Variants in USP13 observed in about 807,000 individuals in gnomAD.
The protein encoded by USP13 is ubiquitin carboxyl-terminal hydrolase 13.
USP13 carries 68 observed loss-of-function variants against 107.8 expected under a neutral mutation model. That is an observed-to-expected ratio of 0.63 (90% CI 0.52 to 0.77). The LOEUF is 0.77. Among genes scored for constraint, USP13 ranks in the 30% least tolerant of loss-of-function variants. The pLI, the probability that USP13 is intolerant of heterozygous loss-of-function variation, is 0.00. For missense variants in USP13, 945 were observed against 1,093.3 expected (o/e 0.86, Z 1.91); for synonymous variants, 377 against 389.5 (o/e 0.97, Z 0.38).
intron 10 of USP13, among the ~76,000 whole-genome samples, chr3:179,731,447 C>T (rs1446683226): frequency 1.3e-5 from 2 of 152,064 alleles, no homozygotes; most frequent in South Asian, 2.1e-4. Context: ...TTCCTTAGTC[C>T]CTCCGTAGGA....
chr3:179,714,805 G>A (rs1713049209), intron 6 of USP13, among the ~76,000 whole-genome samples: 1 of 150,818 alleles, frequency 6.6e-6, no homozygotes, highest in Admixed American at 6.6e-5. Context: ...ACTCTTACCT[G>A]TTTTCCTTTC....
intron 1 of USP13, among the ~76,000 whole-genome samples, chr3:179,670,927 C>A (rs1379004853): frequency 1.3e-5 from 2 of 151,998 alleles, no homozygotes; most frequent in African/African-American, 4.8e-5. Context: ...GAACTCCTGA[C>A]CTCAGGTGAT....
At chr3:179,737,907 T>C (rs1325915872) in intron 10 of USP13, among the ~76,000 whole-genome samples, 1 of 152,254 alleles carries the variant, frequency 6.6e-6, no homozygotes, top group Admixed American at 6.5e-5. Flanking sequence ...GACCAGATTA[T>C]GTTTTCAGCA....
At chr3:179,684,312 C>CA (rs1711787068) in intron 2 of USP13, among the ~76,000 whole-genome samples, 1 of 141,672 alleles carries the variant, frequency 7.1e-6, no homozygotes, top group Non-Finnish European at 1.5e-5. Context: ...CACACACACA[C>CA]ATTTTGTTTG....
At chr3:179,686,188 A>G (rs1348172595) in intron 2 of USP13, among the ~76,000 whole-genome samples, 2 of 152,108 alleles carry the variant, frequency 1.3e-5, no homozygotes, top group African/African-American at 4.8e-5. Flanking sequence ...AGCCTTTTCT[A>G]TACATTCCTT....
chr3:179,654,213 C>CAAAAAA (rs61231956), intron 1 of USP13, among the ~76,000 whole-genome samples: 4 of 105,466 alleles, frequency 3.8e-5, no homozygotes, highest in East Asian at 2.7e-4. Flanking sequence ...GACTCCGTCT[C>CAAAAAA]AAAAAAAAAA....
intron 15 of USP13, 49 bp from the exon 16 acceptor site, chr3:179,757,003 T>A (rs1714829800): frequency 6.2e-7 from 1 of 1,605,768 alleles, no homozygotes; most frequent in African/African-American, 1.3e-5. Context: ...TTTCTAAAAC[T>A]CCTCAACATG....
chr3:179,669,796 G>A (rs1720695221), intron 1 of USP13, among the ~76,000 whole-genome samples: 1 of 152,060 alleles, frequency 6.6e-6, no homozygotes, highest in Admixed American at 6.6e-5. Flanking sequence ...GACAGTGTGG[G>A]TCTAGACTAT....
intron 1 of USP13, among the ~76,000 whole-genome samples, chr3:179,658,117 G>C (rs1164509662): frequency 6.6e-6 from 1 of 152,056 alleles, no homozygotes; most frequent in African/African-American, 2.4e-5. Flanking sequence ...ACCACGCCTG[G>C]CTAATTTTTT....
At chr3:179,773,793 AATT>A (rs1715412364) in intron 19 of USP13, among the ~76,000 whole-genome samples, 1 of 152,204 alleles carries the variant, frequency 6.6e-6, no homozygotes. Context: ...TCCTTGAAAT[AATT>A]ATATTACCAG....
chr3:179,692,503 C>A (rs1431376224), intron 3 of USP13, among the ~76,000 whole-genome samples: 2 of 152,180 alleles, frequency 1.3e-5, no homozygotes, highest in Admixed American at 6.5e-5. Flanking sequence ...CCCAGTTTAA[C>A]CAACTAAACC....
Position 179,706,954 on chromosome 3 carries a change from A to T in USP13, c.498A>T (p.Ala166=), listed in dbSNP as rs1258070267. 1 of 1,613,710 alleles carries T rather than the reference A, an allele frequency of 6.2e-7. No individual in the cohort carries two copies. The highest frequency in any genetic ancestry group is 8.5e-7 in the Non-Finnish European group (1 of 1,179,972). The change falls in exon 5 of 21, where the codon GCA becomes GCT. Residue 166 remains alanine, a synonymous_variant. Coordinates refer to ENST00000263966, the MANE Select transcript of USP13 (RefSeq NM_003940.3). ...TATAGGTAACAATTGCTTGTGATGC[A>T]GTTCTCAGCTCAAAATCTCCATACA... The part of the protein sequence containing the change: ...LPALVTIACD[A]VLSSKSPYRK...
chr3:179,768,875 A>G (rs1055195211), intron 19 of USP13, among the ~76,000 whole-genome samples: 21 of 152,118 alleles, frequency 1.4e-4, no homozygotes, highest in African/African-American at 3.9e-4. Context: ...TAGCACACAA[A>G]CTCATATTGT....
intron 19 of USP13, among the ~76,000 whole-genome samples, chr3:179,768,224 C>G (rs1715238745): frequency 6.6e-6 from 1 of 152,210 alleles, no homozygotes; most frequent in Non-Finnish European, 1.5e-5. Flanking sequence ...TGTTGTAAAG[C>G]TGCCAAGGTT....
chr3:179,752,331 A>C lies in USP13; in HGVS notation c.1756A>C (p.Lys586Gln). The C allele has an allele frequency of 6.2e-7, 1 of 1,614,152 alleles. No homozygotes were observed. Among genetic ancestry groups the C allele is most frequent in the South Asian group, 1.1e-5 (1 of 91,060 alleles). Residue 586 changes from lysine to glutamine, a missense_variant, in exon 14 of 21, where the codon AAG (lysine) becomes CAG (glutamine). Transcript: ENST00000263966. ...CCCTGAATACTTGGTAGTGCAGATA[A>C]AGAAGTTCACTTTTGGTCTTGACTG... ...SFPEYLVVQI[K>Q]KFTFGLDWVP...
Position 179,784,177 on chromosome 3 carries a change from C to T in USP13, c.*36C>T, listed in dbSNP as rs367912011. 1.8e-4 allele frequency: 267 copies of T among 1,488,254 alleles called. No individual in the cohort carries two copies. The highest frequency in any genetic ancestry group is 2.3e-4 in the Non-Finnish European group (248 of 1,094,384). 92.2% of individuals were successfully genotyped at this position (1,488,254 alleles called of 1,614,324 possible). On this transcript the variant is annotated 3_prime_UTR_variant, in exon 21 of 21. Coordinates refer to ENST00000263966, the MANE Select transcript of USP13 (RefSeq NM_003940.3). ...TAAAAATTGGCGAAAAGAAGCCATA[C>T]GCCTTTTTAATTTGCCAAAAAAAAA... is the stretch of plus-strand genomic sequence containing the variant.
intron 20 of USP13, among the ~76,000 whole-genome samples, chr3:179,782,152 C>T (rs1357726216): frequency 6.6e-6 from 1 of 151,990 alleles, no homozygotes; most frequent in African/African-American, 2.4e-5. Flanking sequence ...CATATTTAGC[C>T]AACAAAAGGA....
intron 12 of USP13, among the ~76,000 whole-genome samples, chr3:179,743,191 G>A (rs949574094): frequency 3.3e-5 from 5 of 152,044 alleles, no homozygotes; most frequent in African/African-American, 4.8e-5. Context: ...TCATAAGTGC[G>A]AGTTGAACAT....
intron 3 of USP13, among the ~76,000 whole-genome samples, chr3:179,691,730 A>G (rs1576928878): frequency 6.6e-6 from 1 of 152,298 alleles, no homozygotes; most frequent in South Asian, 2.1e-4. Context: ...GCATCAGTGG[A>G]CCTTGCCTGC....
Sources: gnomAD v4.1 joint callset for allele counts (sites outside exome capture counted in the v4.1 genomes callset) on GRCh38, gnomAD v4.1.1 for gene constraint, MANE v1.5 for transcripts, NCBI Gene and HGNC (gene_info 2026-07-23, HGNC 2026-07-21) for gene names.